GGTA1: variants seen among roughly 807,000 people sequenced by gnomAD.
GGTA1 encodes inactive N-acetyllactosaminide alpha-1,3-galactosyltransferase.
A neutral mutation model predicts 2.6 loss-of-function variants in GGTA1; 5 were observed. That is an observed-to-expected ratio of 1.92 (90% CI 1.00 to 4.04). GGTA1 has a LOEUF of 4.04. Ranked by LOEUF, GGTA1 falls within the 30% of genes most tolerant of loss-of-function variation. GGTA1 has a pLI of 0.00. For missense variants in GGTA1, 50 were observed against 16.7 expected, an observed-to-expected ratio of 2.99 and a Z score of -3.47; for synonymous variants, 17 against 5.0, an observed-to-expected ratio of 3.38 and a Z score of -3.19.
At chr9:121,468,202 A>C (rs1158872158) in intron 1 of GGTA1, among the ~76,000 whole-genome samples, 1 of 151,936 alleles carries the variant, frequency 6.6e-6, no homozygotes, top group Non-Finnish European at 1.5e-5. Flanking sequence ...CCGGTGTGCG[A>C]TGTTCCCCTC....
At chr9:121,496,760 A>G (rs1464297189) in intron 1 of GGTA1, among the ~76,000 whole-genome samples, 1 of 132,626 alleles carries the variant, frequency 7.5e-6, no homozygotes, top group African/African-American at 2.7e-5. Context: ...AAAAAAAAAG[A>G]GAGAGAGAAT....
intron 2 of GGTA1, among the ~76,000 whole-genome samples, chr9:121,464,714 A>G (rs1407365946): frequency 6.6e-6 from 1 of 152,214 alleles, no homozygotes; most frequent in Non-Finnish European, 1.5e-5. Context: ...AGTTCCCATC[A>G]TGATCACCAC....
At chr9:121,451,665 G>A (rs375876073), downstream of GGTA1, among the ~76,000 whole-genome samples, 6 of 152,344 alleles carry the variant, frequency 3.9e-5, no homozygotes, top group East Asian at 9.6e-4. Flanking sequence ...CCATGGAAGA[G>A]TGGTCAGCTG....
chr9:121,458,850 A>G (rs2064936106), intron 5 of GGTA1, among the ~76,000 whole-genome samples: 1 of 152,098 alleles, frequency 6.6e-6, no homozygotes, highest in African/African-American at 2.4e-5. Context: ...GTACCACAGT[A>G]AAATTGCCCC....
chr9:121,488,797 T>G (rs1375521903), intron 1 of GGTA1, among the ~76,000 whole-genome samples: 1 of 152,128 alleles, frequency 6.6e-6, no homozygotes, highest in African/African-American at 2.4e-5. Context: ...TAATCTCAGC[T>G]ACTGGGGAGG....
At chr9:121,462,843 A>C (rs1472459748) in intron 3 of GGTA1, 1 of 154,010 alleles carries the variant, frequency 6.5e-6, no homozygotes, top group Non-Finnish European at 1.4e-5. Context: ...TGGAAATATA[A>C]AGGTTTACAT....
At chr9:121,448,219 G>A (rs904419774) in intron 7 of GGTA1, among the ~76,000 whole-genome samples, 17 of 152,282 alleles carry the variant, frequency 1.1e-4, no homozygotes, top group Admixed American at 2.6e-4. Flanking sequence ...GACAGTCAAA[G>A]GGGGTACTAG....
intron 1 of GGTA1, among the ~76,000 whole-genome samples, chr9:121,498,213 G>A (rs968262359): frequency 6.6e-6 from 1 of 152,246 alleles, no homozygotes; most frequent in Non-Finnish European, 1.5e-5. Flanking sequence ...CCTTGAGGCA[G>A]GATGCCGGGC....
chr9:121,474,493 C>T (rs941599955), intron 1 of GGTA1, among the ~76,000 whole-genome samples: 1 of 152,192 alleles, frequency 6.6e-6, no homozygotes, highest in Non-Finnish European at 1.5e-5. Context: ...TCCTTTTCCG[C>T]TTCTGTTTCC....
intron 7 of GGTA1, among the ~76,000 whole-genome samples, chr9:121,448,845 A>T (rs1304725661): frequency 6.6e-6 from 1 of 152,200 alleles, no homozygotes; most frequent in Non-Finnish European, 1.5e-5. Flanking sequence ...CATAGTTTAC[A>T]TTAGGGTTCA....
chr9:121,479,032 T>A (rs879041155), intron 1 of GGTA1: 15 of 455,808 alleles, frequency 3.3e-5, no homozygotes, highest in South Asian at 2.2e-4. Flanking sequence ...CCCTGTGAGG[T>A]CCTACCAGGG....
chr9:121,481,007 G>C (rs1033126041), intron 1 of GGTA1, among the ~76,000 whole-genome samples: 7 of 151,856 alleles, frequency 4.6e-5, no homozygotes, highest in African/African-American at 1.7e-4. Flanking sequence ...CAGAAAATTA[G>C]CCAGGTGTGG....
intron 1 of GGTA1, among the ~76,000 whole-genome samples, chr9:121,473,972 G>GGA (rs141951986): frequency 2.3e-4 from 31 of 134,228 alleles, no homozygotes; most frequent in Admixed American, 5.4e-4. Context: ...AGGGAGGGAG[G>GGA]GAGAGAGAGA....
At position 121,487,003 on chromosome 9, in the gene GGTA1, C is replaced by A. The variant is rs557981593; in HGVS notation, c.-10+12647G>T. ...GAATCTGAAGACCAGCCTGAGCCAC[C>A]CACAGCCAGGAAAGAAAACTCTGGG... On this transcript the variant is annotated intron_variant, in intron 1 of 5. Transcript: ENST00000481799. Among the ~76,000 whole-genome samples the A allele has an allele frequency of 4.3e-4, 66 of 152,006 alleles. No homozygotes were observed. In the South Asian group the frequency reaches 4.4e-3, roughly 10 times the overall value.
intron 5 of GGTA1, among the ~76,000 whole-genome samples, chr9:121,456,291 G>T (rs1016309439): frequency 2.0e-5 from 3 of 152,164 alleles, no homozygotes; most frequent in African/African-American, 4.8e-5. Context: ...TTCCACAAAA[G>T]CTTCCCCCAA....
At chr9:121,488,724 C>T (rs975484254) in intron 1 of GGTA1, among the ~76,000 whole-genome samples, 5 of 150,378 alleles carry the variant, frequency 3.3e-5, no homozygotes, top group African/African-American at 1.2e-4. Flanking sequence ...TCTCAAAAAG[C>T]AAAAAAATTA....
chr9:121,447,565 G>A (rs1455417994), exon 8 of GGTA1: 1 of 152,508 alleles, frequency 6.6e-6, no homozygotes, highest in Non-Finnish European at 1.5e-5. Context: ...ATTAGCAGAT[G>A]TTATGAACTC....
At chr9:121,467,732 T>C in intron 2 of GGTA1, 111 bp downstream of exon 2, 1 of 369,850 alleles carries the variant, frequency 2.7e-6, no homozygotes, top group Non-Finnish European at 5.3e-6. Flanking sequence ...CCCTTATTTA[T>C]GGTTTTAGTT....
intron 2 of GGTA1, among the ~76,000 whole-genome samples, chr9:121,465,997 C>A (rs977615547): frequency 1.3e-5 from 2 of 152,110 alleles, no homozygotes; most frequent in African/African-American, 2.4e-5. Flanking sequence ...CTCACTGCAG[C>A]CTCAACCTCT....
Sources: gnomAD v4.1 joint callset for allele counts (sites outside exome capture counted in the v4.1 genomes callset) on GRCh38, gnomAD v4.1.1 for gene constraint, MANE v1.5 for transcripts, NCBI Gene and HGNC (gene_info 2026-07-23, HGNC 2026-07-21) for gene names.